MYO18B: variants seen among roughly 807,000 people sequenced by gnomAD.
MYO18B encodes the protein myosin XVIIIB, also known as unconventional myosin-XVIIIb.
MYO18B carries 204 observed loss-of-function variants against 273.0 expected under a neutral mutation model. The ratio of observed to expected loss-of-function variants is 0.75; its 90% CI spans 0.67 to 0.84. The LOEUF is 0.84. MYO18B is among the 40% of genes least tolerant of loss of function. The pLI, the probability that MYO18B is intolerant of heterozygous loss-of-function variation, is 0.00. For missense variants in MYO18B, 3,212 were observed against 3,287.6 expected (o/e 0.98, Z 0.56); for synonymous variants, 1,330 against 1,305.7 (o/e 1.02, Z -0.40).
chr22:26,042,618 C>T, the MYO18B span, among the ~76,000 whole-genome samples: 3 of 152,218 alleles, frequency 2.0e-5, no homozygotes, highest in South Asian at 6.2e-4. Context: ...CAAACCAGAA[C>T]AGAGATGCTA....
intron 7 of MYO18B, among the ~76,000 whole-genome samples, chr22:25,775,119 A>G (rs2086867916): frequency 6.6e-6 from 1 of 152,174 alleles, no homozygotes; most frequent in Non-Finnish European, 1.5e-5. Context: ...ATTGAACTTT[A>G]GTTTTCCCAG....
chr22:25,763,175 C>T (rs2086386282), intron 2 of MYO18B, 56 bp from the exon 3 acceptor site: 2 of 1,607,192 alleles, frequency 1.2e-6, no homozygotes, highest in Non-Finnish European at 8.5e-7. Context: ...TGAAGGGCAG[C>T]TTGCTCCTGC....
intron 31 of MYO18B, among the ~76,000 whole-genome samples, chr22:25,905,507 A>C (rs1039420858): frequency 6.6e-6 from 1 of 152,044 alleles, no homozygotes; most frequent in Non-Finnish European, 1.5e-5. Flanking sequence ...GGGTTGGGGG[A>C]GAGATCGGGG....
the MYO18B span, among the ~76,000 whole-genome samples, chr22:26,045,695 T>C: frequency 8.5e-5 from 13 of 152,192 alleles, no homozygotes; most frequent in African/African-American, 3.1e-4. Flanking sequence ...CTTGAAGCTG[T>C]CAAGTAACTG....
At chr22:26,015,766 A>G (rs576205535) in intron 42 of MYO18B, among the ~76,000 whole-genome samples, 3 of 152,324 alleles carry the variant, frequency 2.0e-5, no homozygotes, top group Admixed American at 6.5e-5. Context: ...GAGTTTACCT[A>G]TATAACAAAC....
At chr22:25,749,026 G>A (rs2085861629) in intron 1 of MYO18B, among the ~76,000 whole-genome samples, 1 of 152,108 alleles carries the variant, frequency 6.6e-6, no homozygotes, top group African/African-American at 2.4e-5. Context: ...CCACGCCCAG[G>A]GCAGACATTA....
intron 42 of MYO18B, among the ~76,000 whole-genome samples, chr22:26,012,824 G>A (rs928609064): frequency 1.3e-5 from 2 of 152,154 alleles, no homozygotes; most frequent in Admixed American, 6.5e-5. Flanking sequence ...GTTTTGTTAC[G>A]CAAATTTACC....
intron 41 of MYO18B, among the ~76,000 whole-genome samples, chr22:26,003,874 T>G (rs1934197783): frequency 6.6e-6 from 1 of 152,090 alleles, no homozygotes; most frequent in Admixed American, 6.5e-5. Flanking sequence ...GGGTAGGTTT[T>G]ATTAGAACCT....
intron 22 of MYO18B, 112 bp downstream of exon 22, chr22:25,868,497 C>T: frequency 1.1e-6 from 1 of 879,268 alleles, no homozygotes; most frequent in Non-Finnish European, 1.8e-6. Flanking sequence ...TCCTTTTTCC[C>T]AAACTGAAGG....
At chr22:25,965,456 G>A (rs1352313003) in intron 39 of MYO18B, among the ~76,000 whole-genome samples, 2 of 152,136 alleles carry the variant, frequency 1.3e-5, no homozygotes, top group Admixed American at 1.3e-4. Flanking sequence ...GTGATGTGCT[G>A]GTAAATGTTT....
chr22:25,981,266 G>A (rs1354449069), intron 39 of MYO18B, among the ~76,000 whole-genome samples: 1 of 152,164 alleles, frequency 6.6e-6, no homozygotes, highest in Non-Finnish European at 1.5e-5. Flanking sequence ...TGTGTTTCTC[G>A]AGATGAGAAG....
Position 25,806,841 on chromosome 22 carries a change from C to T in MYO18B, c.2521+8744C>T, listed in dbSNP as rs563705494. On this transcript the variant is annotated intron_variant, in intron 12 of 43. Coordinates refer to ENST00000335473, the MANE Select transcript of MYO18B (RefSeq NM_032608.7). ...AACTGGACAGAGAAGCATTTGAGTC[C>T]AGGCTCCCTGATCTCCTGGCAGTGT... 1.5e-4 allele frequency among the ~76,000 whole-genome samples: 23 copies of T among 152,264 alleles called. No homozygotes were observed. The South Asian group carries it at 4.4e-3, about 29-fold the overall frequency.
chr22:25,888,183 C>G (rs1375514070), intron 25 of MYO18B, among the ~76,000 whole-genome samples: 2 of 152,158 alleles, frequency 1.3e-5, no homozygotes, highest in Non-Finnish European at 2.9e-5. Context: ...AAAAATCACC[C>G]TGGAGCAGGT....
At chr22:25,909,730 A>G (rs1333764761) in intron 32 of MYO18B, among the ~76,000 whole-genome samples, 1 of 152,194 alleles carries the variant, frequency 6.6e-6, no homozygotes, top group Non-Finnish European at 1.5e-5. Context: ...TTTTCTCCTT[A>G]TAACAAATAC....
At chr22:25,813,886 G>A (rs1275475998) in intron 12 of MYO18B, among the ~76,000 whole-genome samples, 1 of 152,144 alleles carries the variant, frequency 6.6e-6, no homozygotes, top group Non-Finnish European at 1.5e-5. Context: ...TGCAGACCCT[G>A]CATCCTCCTC....
At position 25,835,296 on chromosome 22, in the gene MYO18B, G is replaced by A; in HGVS notation, c.3061G>A (p.Val1021Ile). 6.2e-7 allele frequency: 1 copy of A among 1,613,478 alleles called. No individual in the cohort carries two copies. The highest frequency in any genetic ancestry group is 8.5e-7 in the Non-Finnish European group (1 of 1,179,694). Residue 1021 changes from valine (V) to isoleucine (I), a missense_variant and splice_region_variant, in exon 17 of 44, where the codon GTC becomes ATC. Transcript: ENST00000335473. ...VAVVDQNPSQ[V>I]RLPAGGGAQD... is the part of the protein sequence containing the mutation. ...CAGTGAATCCTGGTTCTCCCAGCAG[G>A]TCCGCTTACCAGCTGGAGGAGGTGC...
chr22:25,947,487 TACACACACACAC>T (rs57844236), intron 35 of MYO18B, among the ~76,000 whole-genome samples: 1,888 of 110,660 alleles, frequency 0.017, 59 homozygotes, highest in African/African-American at 0.046. Context: ...TAATGCCTAA[TACACACACACAC>T]ACACACACAC....
chr22:25,880,800 A>AT (rs1186610422), intron 25 of MYO18B, among the ~76,000 whole-genome samples: 1 of 152,260 alleles, frequency 6.6e-6, no homozygotes, highest in Non-Finnish European at 1.5e-5. Context: ...ATGGAGGTTA[A>AT]GCATGGGCTC....
chr22:25,929,685 C>T (rs1489943628), intron 34 of MYO18B, among the ~76,000 whole-genome samples: 2 of 152,118 alleles, frequency 1.3e-5, no homozygotes, highest in East Asian at 1.9e-4. Flanking sequence ...GGGCTGTATT[C>T]ACCTCTTCCT....
Sources: allele counts gnomAD v4.1 joint callset (sites outside exome capture counted in the v4.1 genomes callset), GRCh38; gene constraint gnomAD v4.1.1; transcripts MANE v1.5; gene names NCBI Gene and HGNC (gene_info 2026-07-23, HGNC 2026-07-21).